EBF3: variants seen among roughly 807,000 people sequenced by gnomAD.
EBF3 encodes the protein transcription factor COE3.
Under a neutral mutation model 77.1 loss-of-function variants are expected in EBF3, and 18 were observed. The ratio of observed to expected loss-of-function variants is 0.23; its 90% confidence interval spans 0.16 to 0.35. EBF3 has a LOEUF of 0.35. Among genes scored for constraint, EBF3 ranks in the 10% least tolerant of loss-of-function variants. EBF3 has a pLI of 1.00. For synonymous variants in EBF3, 350 were observed against 343.5 expected, an observed-to-expected ratio of 1.02 and a Z score of -0.21; for missense variants, 558 against 860.0, an observed-to-expected ratio of 0.65 and a Z score of 4.39.
chr10:129,889,450 C>T (rs960148751), intron 6 of EBF3, among the ~76,000 whole-genome samples: 3 of 152,340 alleles, frequency 2.0e-5, no homozygotes, highest in East Asian at 3.9e-4. Flanking sequence ...GCGGCTGGGC[C>T]GTCCCACTGA....
In EBF3 at chr10:129,926,762, G is replaced by A. The variant is rs555736492; in HGVS notation, c.554+30496C>T. The stretch of plus-strand genomic sequence containing the variant: ...GAAACGAGGATGCCCCTCCGCTGGA[G>A]GGGGTGTGCCTCACTGGAGGACACA... On this transcript the variant is annotated intron_variant, in intron 6 of 16. Coordinates refer to ENST00000440978, the MANE Select transcript of EBF3 (RefSeq NM_001375380.1). 3.9e-5 allele frequency among the ~76,000 whole-genome samples: 6 copies of A among 152,332 alleles called. No homozygotes were observed. The East Asian group carries it at 1.2e-3, about 29-fold the overall frequency.
Position 129,837,980 on chromosome 10 carries a change from A to G in EBF3, c.1873-20T>C. The G allele has an allele frequency of 6.2e-7, 1 of 1,613,990 alleles. No homozygotes were observed. Among genetic ancestry groups the G allele is most frequent in the East Asian group, 2.2e-5 (1 of 44,862 alleles). Reference sequence around the variant, plus strand: ...ACATAGCTGCAAGACAGAAGGACAGAGCAGTTACTGCAGGCTCCCCCACGC... The same window carrying G: ...ACATAGCTGCAAGACAGAAGGACAGGGCAGTTACTGCAGGCTCCCCCACGC... On this transcript the variant is annotated intron_variant, in intron 16 of 16. Transcript: ENST00000440978.
chr10:129,926,249 C>T (rs10741204), intron 6 of EBF3, among the ~76,000 whole-genome samples: 105,367 of 152,036 alleles, frequency 0.69, 36,684 homozygotes, highest in East Asian at 0.82. Context: ...ACGAGAATGG[C>T]GGAACGCACA....
intron 6 of EBF3, among the ~76,000 whole-genome samples, chr10:129,902,772 A>C (rs993267615): frequency 1.3e-4 from 20 of 152,310 alleles, no homozygotes; most frequent in African/African-American, 4.8e-4. Context: ...TAATGCATTA[A>C]AACAAAACAA....
chr10:129,888,161 C>T (rs868656760), intron 6 of EBF3, among the ~76,000 whole-genome samples: 1 of 152,230 alleles, frequency 6.6e-6, no homozygotes, highest in South Asian at 2.1e-4. Context: ...GCATGCGTCA[C>T]GCCCTCCGCG....
intron 6 of EBF3, among the ~76,000 whole-genome samples, chr10:129,883,741 G>A (rs1050449816): frequency 6.6e-5 from 10 of 150,840 alleles, no homozygotes; most frequent in African/African-American, 2.4e-4. Context: ...CCGTTCACTG[G>A]TGGTTGCTGG....
intron 6 of EBF3, among the ~76,000 whole-genome samples, chr10:129,950,665 T>A (rs74162535): frequency 0.012 from 1,892 of 152,324 alleles, 41 homozygotes; most frequent in African/African-American, 0.042. Context: ...CCTTAACCCA[T>A]GAAATTACTG....
At chr10:129,905,751 A>C (rs1446414097) in intron 6 of EBF3, among the ~76,000 whole-genome samples, 1 of 152,210 alleles carries the variant, frequency 6.6e-6, no homozygotes, top group Non-Finnish European at 1.5e-5. Context: ...CAACCGTTGC[A>C]GGTCCTGGGA....
At position 129,842,020 on chromosome 10, in the gene EBF3, CCCCAGCTGG is replaced by C. The variant is rs1263156100; in HGVS notation, c.1372+87_1372+95del. ...GAGAGAACAGAACGCTACGGACATT[CCCCAGCTGG>C]CCCTGGACACGTGCCTCTTCAGCTA... is the stretch of plus-strand genomic sequence containing the variant. On this transcript the variant is annotated intron_variant, in intron 13 of 16. Transcript: ENST00000440978. This position sits in a 1 kb window ranked among gnomAD's most constrained non-coding sequence, Gnocchi z 4.4. 18 of 1,506,324 alleles carry C rather than the reference CCCCAGCTGG, an allele frequency of 1.2e-5. No homozygotes were observed. Among genetic ancestry groups the C allele is most frequent in the Non-Finnish European group, 1.6e-5 (18 of 1,097,196 alleles). 93.3% of individuals were successfully genotyped at this position (1,506,324 alleles called of 1,614,324 possible).
At chr10:129,921,299 T>C (rs1245620691) in intron 6 of EBF3, among the ~76,000 whole-genome samples, 1 of 152,078 alleles carries the variant, frequency 6.6e-6, no homozygotes, top group Non-Finnish European at 1.5e-5. Context: ...CCGCAGGGTG[T>C]TAGCAGCATC....
At chr10:129,905,288 G>T (rs1403198368) in intron 6 of EBF3, among the ~76,000 whole-genome samples, 1 of 152,192 alleles carries the variant, frequency 6.6e-6, no homozygotes, top group East Asian at 1.9e-4. Flanking sequence ...GAGATGTGCT[G>T]TTTGTGTCCA....
intron 10 of EBF3, among the ~76,000 whole-genome samples, chr10:129,859,207 G>A (rs1270242402): frequency 2.0e-5 from 3 of 152,090 alleles, no homozygotes; most frequent in Non-Finnish European, 2.9e-5. Context: ...CAAAAGTTAC[G>A]TTTTACTCAT....
At chr10:129,873,629 T>C (rs1488184577) in intron 7 of EBF3, 33 bp from the exon 8 acceptor site, 4 of 1,477,878 alleles carry the variant, frequency 2.7e-6, no homozygotes, top group Non-Finnish European at 1.8e-6. Context: ...AAAATGGAAT[T>C]GGCAAAGAAA....
chr10:129,951,161 C>T (rs1196736939), intron 6 of EBF3, among the ~76,000 whole-genome samples: 3 of 152,238 alleles, frequency 2.0e-5, no homozygotes, highest in East Asian at 3.8e-4. Flanking sequence ...CTTTCTTCGG[C>T]ATCACGAGAA....
chr10:129,860,805 T>C (rs1181413263), intron 10 of EBF3, among the ~76,000 whole-genome samples: 1 of 152,246 alleles, frequency 6.6e-6, no homozygotes, highest in Non-Finnish European at 1.5e-5. Context: ...CAATCATTTT[T>C]AACATGTTGA....
chr10:129,940,959 C>T (rs1458617377), intron 6 of EBF3, among the ~76,000 whole-genome samples: 1 of 152,178 alleles, frequency 6.6e-6, no homozygotes, highest in Non-Finnish European at 1.5e-5. Flanking sequence ...ACTGCCTGGC[C>T]GTGGAGCAGT....
intron 6 of EBF3, among the ~76,000 whole-genome samples, chr10:129,924,814 G>A (rs772714333): frequency 2.0e-5 from 3 of 152,080 alleles, no homozygotes; most frequent in East Asian, 1.9e-4. Flanking sequence ...CCACAGGCAT[G>A]TGCCACCACG....
chr10:129,962,947 C>G lies in EBF3; in HGVS notation c.350G>C (p.Ser117Thr), dbSNP rs773142708. 5 of 1,614,112 alleles carry G rather than the reference C, an allele frequency of 3.1e-6. No individual in the cohort carries two copies. Among genetic ancestry groups the G allele is most frequent in the Non-Finnish European group, 3.4e-6 (4 of 1,180,008 alleles). ...AGCACGCAGCAGGCACTTACCGTTG[C>G]TGTACAATAACTGGAGTTTATAGTG... Reference protein sequence around the residue: ...GIHYKLQLLYSNGVRTEQDLY... With the variant: ...GIHYKLQLLYTNGVRTEQDLY... The change falls in exon 3 of 17, where the codon AGC becomes ACC. Residue 117 changes from serine to threonine, a missense_variant. Ser to Thr is a moderately conservative substitution (Grantham distance 58, BLOSUM62 1). Around this residue, in one of 5 missense-constraint regions of EBF3, gnomAD observed 84 missense variants for 142.3 expected, o/e 0.59. Coordinates refer to ENST00000440978, the MANE Select transcript of EBF3 (RefSeq NM_001375380.1).
intron 6 of EBF3, among the ~76,000 whole-genome samples, chr10:129,942,493 A>G (rs1327735637): frequency 6.6e-6 from 1 of 152,222 alleles, no homozygotes; most frequent in Admixed American, 6.5e-5. Context: ...TGGTCCTGCA[A>G]GAGCGTCCCA....
Sources: gnomAD v4.1 joint callset for allele counts (sites outside exome capture counted in the v4.1 genomes callset) on GRCh38, gnomAD v4.1.1 for gene constraint, gnomAD v4.1.1 regional missense constraint, Gnocchi (gnomAD v3.1) non-coding constraint, MANE v1.5 for transcripts, NCBI Gene and HGNC (gene_info 2026-07-23, HGNC 2026-07-21) for gene names.